Variants in ANKRD44 observed in about 807,000 individuals in gnomAD.
The protein encoded by ANKRD44 is serine/threonine-protein phosphatase 6 regulatory ankyrin repeat subunit B.
In ANKRD44, 35 loss-of-function variants were observed where a neutral mutation model predicts 116.0. The observed-to-expected ratio is 0.30, with a 90% CI of 0.23 to 0.40. ANKRD44 has a LOEUF of 0.40. Ranked by LOEUF, ANKRD44 falls within the 10% of genes least tolerant of loss-of-function variation. ANKRD44 has a pLI of 1.00. For missense variants in ANKRD44, 1,014 were observed against 1,242.6 expected, an observed-to-expected ratio of 0.82 and a Z score of 2.77; for synonymous variants, 435 against 461.8, an observed-to-expected ratio of 0.94 and a Z score of 0.74.
intron 4 of ANKRD44, among the ~76,000 whole-genome samples, chr2:197,132,003 C>A (rs985626554): frequency 2.0e-5 from 3 of 152,228 alleles, no homozygotes; most frequent in African/African-American, 7.2e-5. Flanking sequence ...CCACTGGCAG[C>A]CCCAATTCTT....
At chr2:197,002,944 A>G (rs1020998077) in intron 21 of ANKRD44, among the ~76,000 whole-genome samples, 9 of 152,184 alleles carry the variant, frequency 5.9e-5, no homozygotes, top group African/African-American at 9.7e-5. Flanking sequence ...AACTTTTCTT[A>G]TATCTAAAAA....
At chr2:197,245,299 A>T (rs1475696322) in intron 1 of ANKRD44, among the ~76,000 whole-genome samples, 1 of 152,174 alleles carries the variant, frequency 6.6e-6, no homozygotes, top group Non-Finnish European at 1.5e-5. Flanking sequence ...ATAGTATAAC[A>T]ACGGTTTACA....
chr2:197,222,369 A>C (rs1479886727), intron 1 of ANKRD44, among the ~76,000 whole-genome samples: 1 of 152,184 alleles, frequency 6.6e-6, no homozygotes, highest in Non-Finnish European at 1.5e-5. Flanking sequence ...GTGTAATGGG[A>C]ACTAAATATT....
At chr2:197,199,871 C>T (rs1425372643) in intron 1 of ANKRD44, among the ~76,000 whole-genome samples, 1 of 152,144 alleles carries the variant, frequency 6.6e-6, no homozygotes, top group African/African-American at 2.4e-5. Flanking sequence ...TATGGATATG[C>T]CATAACATAT....
rs566250127 is a variant in ANKRD44 at position 197,169,033 on chromosome 2, C to T, written c.111+17990G>A. Among the ~76,000 whole-genome samples the T allele has an allele frequency of 1.2e-4, 19 of 152,320 alleles. No individual in the cohort carries two copies. In the South Asian group the frequency reaches 3.7e-3, roughly 30 times the overall value. On this transcript the variant is annotated intron_variant, in intron 2 of 27. Transcript: ENST00000282272. ...GCACCTAAGTGGAATCCAAACTCCT[C>T]GCTCAGCTCTGATGACCGGCCCCTT...
intron 21 of ANKRD44, among the ~76,000 whole-genome samples, chr2:196,976,884 G>T (rs2075764880): frequency 6.9e-6 from 1 of 145,390 alleles, no homozygotes; most frequent in African/African-American, 2.5e-5. Flanking sequence ...AGGAAGGAAG[G>T]AAGGAAGGCA....
chr2:197,196,437 A>AC (rs1282396271), intron 1 of ANKRD44, among the ~76,000 whole-genome samples: 118 of 152,352 alleles, frequency 7.7e-4, no homozygotes, highest in African/African-American at 2.6e-3. Context: ...AGTATTCCTT[A>AC]TAAAAAATAG....
intron 16 of ANKRD44, among the ~76,000 whole-genome samples, chr2:197,051,897 A>C (rs1035041232): frequency 6.6e-6 from 1 of 152,222 alleles, no homozygotes; most frequent in African/African-American, 2.4e-5. Flanking sequence ...AGCCCCCCAC[A>C]ACAAAGAATT....
At chr2:197,036,048 C>T (rs1379358501) in intron 16 of ANKRD44, among the ~76,000 whole-genome samples, 1 of 152,162 alleles carries the variant, frequency 6.6e-6, no homozygotes, top group Non-Finnish European at 1.5e-5. Context: ...CAGTGACCAT[C>T]TCTTTCTCAT....
rs193282707 is a variant in ANKRD44 at position 197,165,420 on chromosome 2, G to A, written c.112-18315C>T. ...TGAACAAAATCTAATCCTTGGCACA[G>A]CCACTTGTAATTTCTGGGGTGACAG... On this transcript the variant is annotated intron_variant, in intron 2 of 27. Coordinates refer to ENST00000282272, the MANE Select transcript of ANKRD44 (RefSeq NM_001195144.2). Among the ~76,000 whole-genome samples the A allele has an allele frequency of 7.2e-5, 11 of 152,340 alleles. No individual in the cohort carries two copies. In the East Asian group the frequency reaches 2.1e-3, roughly 29 times the overall value.
rs539023597 is a variant in ANKRD44 at position 197,277,919 on chromosome 2, C to T, written c.27+32659G>A. 9.6e-4 allele frequency among the ~76,000 whole-genome samples: 146 copies of T among 152,212 alleles called. 1 individual carries two copies. Among genetic ancestry groups the T allele is most frequent in the Non-Finnish European group, 6.5e-4 (44 of 68,012 alleles). Reference sequence around the variant, plus strand: ...GTTAGGAGTCACTGACGCTAATGAGCCACAAATCATAGAAAAGTAACTTAA... The same window carrying T: ...GTTAGGAGTCACTGACGCTAATGAGTCACAAATCATAGAAAAGTAACTTAA... On this transcript the variant is annotated intron_variant, in intron 1 of 27. Transcript: ENST00000282272.
At chr2:196,975,475 C>T (rs1464294788) in intron 21 of ANKRD44, among the ~76,000 whole-genome samples, 3 of 152,122 alleles carry the variant, frequency 2.0e-5, no homozygotes, top group African/African-American at 7.2e-5. Context: ...TACCATCACA[C>T]CAAAACAAGA....
intron 1 of ANKRD44, among the ~76,000 whole-genome samples, chr2:197,214,617 C>T (rs566325004): frequency 6.6e-6 from 1 of 152,272 alleles, no homozygotes; most frequent in East Asian, 1.9e-4. Context: ...CCACATCTTA[C>T]AGTTAATACC....
At chr2:197,260,720 T>C (rs1166891131) in intron 1 of ANKRD44, among the ~76,000 whole-genome samples, 1 of 151,966 alleles carries the variant, frequency 6.6e-6, no homozygotes, top group Non-Finnish European at 1.5e-5. Flanking sequence ...GTGTTCCTAT[T>C]TCTCCACATC....
chr2:197,046,051 C>T (rs2076995785), intron 16 of ANKRD44, among the ~76,000 whole-genome samples: 1 of 152,128 alleles, frequency 6.6e-6, no homozygotes, highest in African/African-American at 2.4e-5. Flanking sequence ...TTTGTGTGTG[C>T]TTAATATGTA....
At chr2:197,045,992 G>T (rs2076994860) in intron 16 of ANKRD44, among the ~76,000 whole-genome samples, 1 of 152,186 alleles carries the variant, frequency 6.6e-6, no homozygotes, top group Non-Finnish European at 1.5e-5. Flanking sequence ...TACTCTACTA[G>T]TCATATAACA....
chr2:197,277,201 T>A (rs2083116919), intron 1 of ANKRD44, among the ~76,000 whole-genome samples: 1 of 151,888 alleles, frequency 6.6e-6, no homozygotes, highest in Admixed American at 6.6e-5. Flanking sequence ...GAATCTATTT[T>A]TCAAAGCTCC....
At chr2:197,025,288 C>A (rs1414599014) in intron 16 of ANKRD44, 21 bp from the exon 17 acceptor site, 3 of 1,601,950 alleles carry the variant, frequency 1.9e-6, no homozygotes, top group East Asian at 2.2e-5. Flanking sequence ...AAAAAGCAAA[C>A]AATAGTACGT....
At chr2:197,091,178 C>A (rs1175427225) in intron 10 of ANKRD44, among the ~76,000 whole-genome samples, 1 of 152,214 alleles carries the variant, frequency 6.6e-6, no homozygotes, top group East Asian at 1.9e-4. Flanking sequence ...AACATGCCCT[C>A]AGGGGGCTTT....
Sources: allele counts gnomAD v4.1 joint callset (sites outside exome capture counted in the v4.1 genomes callset), GRCh38; gene constraint gnomAD v4.1.1; transcripts MANE v1.5; gene names NCBI Gene and HGNC (gene_info 2026-07-23, HGNC 2026-07-21).